DST: variants seen among roughly 807,000 people sequenced by gnomAD.
DST encodes dystonin, also known as bullous pemphigoid antigen.
Under a neutral mutation model 875.2 loss-of-function variants are expected in DST, and 253 were observed. The ratio of observed to expected loss-of-function variants is 0.29; its 90% confidence interval spans 0.26 to 0.32. The LOEUF (loss-of-function observed/expected upper bound fraction) is 0.32. Among genes scored for constraint, DST ranks in the 10% least tolerant of loss-of-function variants. The pLI is 1.00. For missense variants in DST, 8,287 were observed against 9,111.6 expected, an observed-to-expected ratio of 0.91 and a Z score of 3.68; for synonymous variants, 3,124 against 3,197.1, an observed-to-expected ratio of 0.98 and a Z score of 0.77.
At chr6:56,772,728 G>A (rs2099669628) in intron 4 of DST, among the ~76,000 whole-genome samples, 1 of 152,152 alleles carries the variant, frequency 6.6e-6, no homozygotes, top group Non-Finnish European at 1.5e-5. Flanking sequence ...CCTCAGGAAT[G>A]TTGCTGCCAC....
At chr6:56,586,639 A>C (rs2098157383) in intron 49 of DST, among the ~76,000 whole-genome samples, 2 of 152,136 alleles carry the variant, frequency 1.3e-5, no homozygotes, top group African/African-American at 4.8e-5. Context: ...ACCCCCGAGC[A>C]GCCTAACTGG....
At chr6:56,923,458 A>G (rs1402486821) in intron 2 of DST, among the ~76,000 whole-genome samples, 2 of 131,094 alleles carry the variant, frequency 1.5e-5, no homozygotes, top group Admixed American at 7.8e-5. Flanking sequence ...AAACCGGCTC[A>G]CTGGCAAAAA....
At chr6:56,906,493 G>A (rs1796473941) in intron 2 of DST, among the ~76,000 whole-genome samples, 1 of 152,234 alleles carries the variant, frequency 6.6e-6, no homozygotes, top group East Asian at 1.9e-4. Flanking sequence ...GTAAGAAGAA[G>A]ACAAAATGGT....
rs986245 is a variant in DST at position 56,953,908 on chromosome 6, T to C, written c.182-89A>G. 984,981 of 987,498 alleles carry C rather than the reference T, an allele frequency of 1. 491,272 individuals are homozygous for C. Among genetic ancestry groups the C allele is most frequent in the Non-Finnish European group, 1 (712,520 of 712,612 alleles). 61.2% of individuals were successfully genotyped at this position (987,498 alleles called of 1,614,324 possible). On this transcript the variant is annotated intron_variant, in intron 1 of 103. Coordinates refer to ENST00000680361, the MANE Select transcript of DST (RefSeq NM_001374736.1). ...CATGACTTACCTGGGAGACCAGGGT[T>C]GGGAAAGCACATCGCAGACTCCTGG...
At chr6:56,780,780 T>G (rs1246255646) in intron 4 of DST, among the ~76,000 whole-genome samples, 1 of 151,706 alleles carries the variant, frequency 6.6e-6, no homozygotes, top group Non-Finnish European at 1.5e-5. Context: ...CTTTTGGTGT[T>G]TTAGACATGA....
intron 9 of DST, among the ~76,000 whole-genome samples, chr6:56,684,758 G>A (rs1313797637): frequency 1.3e-5 from 2 of 152,204 alleles, no homozygotes; most frequent in African/African-American, 4.8e-5. Flanking sequence ...GAAAATGGCT[G>A]CACATAGATA....
At chr6:56,616,746 C>T in intron 36 of DST, 3 of 1,614,162 alleles carry the variant, frequency 1.9e-6, no homozygotes, top group South Asian at 1.1e-5. Context: ...ATATGTTTAC[C>T]TTTTTGTCTG....
intron 2 of DST, among the ~76,000 whole-genome samples, chr6:56,901,855 A>C (rs1794282006): frequency 6.6e-6 from 1 of 152,246 alleles, no homozygotes; most frequent in South Asian, 2.1e-4. Flanking sequence ...CAATAATTAC[A>C]TAAAATAGTC....
Position 56,605,582 on chromosome 6 carries a change from A to G in DST, c.9046T>C (p.Leu3016=), listed in dbSNP as rs114136801. 1,345 of 1,613,128 alleles carry G rather than the reference A, an allele frequency of 8.3e-4. 10 individuals carry two copies. The African/African-American group carries it at 0.016, about 20-fold the overall frequency. The change falls in exon 40 of 104, where the codon TTG becomes CTG. Residue 3016 remains leucine (L), a synonymous_variant. Coordinates refer to ENST00000680361, the MANE Select transcript of DST (RefSeq NM_001374736.1). The part of the protein sequence containing the change: ...GKPAEESHLS[L]IASVTDKDPQ... ...TCTTTGTCAGTTACAGAGGCTATCA[A>G]TGACAAATGGCTTTCCTCAGCAGGT...
chr6:56,553,058 T>A lies in DST; in HGVS notation c.15734A>T (p.Asp5245Val), dbSNP rs1248294838. The stretch of plus-strand genomic sequence containing the variant: ...CTTCTGGATCAGTGACTTATTCTCA[T>A]CTGTAACAACTTCTTTATCTATCTC... ...VCEIDKEVVT[D>V]ENKSLIQKVD... Residue 5245 changes from aspartate to valine, a missense_variant, in exon 61 of 104, where the codon GAT (aspartate) becomes GTT (valine). By Grantham distance (152) the Asp-to-Val change is radical (BLOSUM62 -3). Transcript: ENST00000680361. 1.2e-6 allele frequency: 2 copies of A among 1,613,938 alleles called. No homozygotes were observed. The highest frequency in any genetic ancestry group is 1.7e-5 in the Admixed American group (1 of 60,022).
At chr6:56,902,324 T>C (rs1794478326) in intron 2 of DST, among the ~76,000 whole-genome samples, 1 of 152,136 alleles carries the variant, frequency 6.6e-6, no homozygotes, top group Non-Finnish European at 1.5e-5. Flanking sequence ...CTGCAGTAAA[T>C]GCATAAAAAA....
At chr6:56,953,953 G>C in intron 1 of DST, 134 bp from the exon 2 acceptor site, 1 of 472,190 alleles carries the variant, frequency 2.1e-6, no homozygotes, top group South Asian at 1.9e-5. Flanking sequence ...GGACATCCTG[G>C]GGGAGGGAGG....
chr6:56,742,190 A>G, intron 4 of DST: 1 of 874,812 alleles, frequency 1.1e-6, no homozygotes, highest in Non-Finnish European at 1.6e-6. Flanking sequence ...AACTATCGCC[A>G]TGCAAACCAA....
rs1468341810 is a variant in DST at position 56,474,002 on chromosome 6, T to C, written c.21865A>G (p.Thr7289Ala). The C allele has an allele frequency of 1.1e-5, 18 of 1,572,120 alleles. No homozygotes were observed. The highest frequency in any genetic ancestry group is 1.6e-5 in the Non-Finnish European group (18 of 1,156,818). ...EVKALIAEHQ[T>A]FMEEMTRKQP... is the part of the protein sequence containing the mutation. ...TTTCTGGTCATTTCCTCCATGAAGGTCTGAAATGAAAGAAATGATGTCAAT... is the reference window on the plus strand; with the variant it reads ...TTTCTGGTCATTTCCTCCATGAAGGCCTGAAATGAAAGAAATGATGTCAAT... The change falls in exon 93 of 104, where the codon ACC becomes GCC. Residue 7289 changes from threonine (T) to alanine (A), a missense_variant and splice_region_variant. Transcript: ENST00000680361.
chr6:56,835,202 A>C (rs2099792139), intron 4 of DST, among the ~76,000 whole-genome samples: 1 of 152,214 alleles, frequency 6.6e-6, no homozygotes, highest in African/African-American at 2.4e-5. Context: ...GAGAGGAACA[A>C]ATAGGTCAAA....
chr6:56,587,454 T>C (rs57354488), intron 49 of DST, among the ~76,000 whole-genome samples: 13,355 of 152,174 alleles, frequency 0.088, 1,891 homozygotes, highest in African/African-American at 0.3. Context: ...CTGAAAGTGA[T>C]GGGGAGAATG....
chr6:56,704,467 T>C, intron 5 of DST, 98 bp from the exon 6 acceptor site: 1 of 605,206 alleles, frequency 1.7e-6, no homozygotes, highest in African/African-American at 2.0e-5. Flanking sequence ...ATTCCTCACA[T>C]GGTATTCATT....
intron 49 of DST, among the ~76,000 whole-genome samples, 192 bp downstream of exon 49, chr6:56,591,981 CAAAAAAAAA>C (rs34682914): frequency 1.6e-5 from 1 of 63,942 alleles, no homozygotes; most frequent in Non-Finnish European, 2.8e-5. Flanking sequence ...GACTCCATCT[CAAAAAAAAA>C]AAAAAAAAAA....
chr6:56,619,722 G>T, intron 36 of DST: 1 of 1,614,082 alleles, frequency 6.2e-7, no homozygotes, highest in Non-Finnish European at 8.5e-7. Flanking sequence ...AGCTCTCTGA[G>T]TTGTTGAGAA....
Sources: gnomAD v4.1 joint callset for allele counts (sites outside exome capture counted in the v4.1 genomes callset) on GRCh38, gnomAD v4.1.1 for gene constraint, MANE v1.5 for transcripts, NCBI Gene and HGNC (gene_info 2026-07-23, HGNC 2026-07-21) for gene names.